The following CEP85L variants were observed in gnomAD, a reference collection of about 807,000 sequenced individuals.
CEP85L encodes centrosomal protein 85L, also known as centrosomal protein of 85 kDa-like.
Under a neutral mutation model 100.3 loss-of-function variants are expected in CEP85L, and 60 were observed. The ratio of observed to expected loss-of-function variants is 0.60; its 90% CI spans 0.49 to 0.74. The LOEUF (loss-of-function observed/expected upper bound fraction) is 0.74, where lower values mean the gene tolerates loss of function less well. CEP85L is among the 30% of genes least tolerant of loss of function. CEP85L has a pLI of 0.00. For missense variants in CEP85L, 973 were observed against 936.2 expected, an observed-to-expected ratio of 1.04 and a Z score of -0.51; for synonymous variants, 319 against 322.7, an observed-to-expected ratio of 0.99 and a Z score of 0.12.
rs1046387548 is a variant in CEP85L, at chr6:118,629,033, T to C, written c.232+3420A>G. Among the ~76,000 whole-genome samples, 3 of 152,234 alleles carry C rather than the reference T, an allele frequency of 2.0e-5. No homozygotes were observed. In the South Asian group the frequency reaches 6.2e-4, roughly 32 times the overall value. On this transcript the variant is annotated intron_variant, in intron 2 of 12. Transcript: ENST00000368491. ...CTCAACCAACCGTGGATCAAAAATATTAACAATAAAAATAATCAAACTTTA... is the reference window on the plus strand; with the variant it reads ...CTCAACCAACCGTGGATCAAAAATACTAACAATAAAAATAATCAAACTTTA...
chr6:118,482,074 A>G, intron 7 of CEP85L, 141 bp from the exon 8 acceptor site: 1 of 473,886 alleles, frequency 2.1e-6, no homozygotes, highest in Non-Finnish European at 3.4e-6. Flanking sequence ...TTTTATCTAG[A>G]GTATTTAATT....
At chr6:118,672,824 A>G (rs562159450) in intron 1 of CEP85L, among the ~76,000 whole-genome samples, 1 of 151,804 alleles carries the variant, frequency 6.6e-6, no homozygotes, top group East Asian at 1.9e-4. Context: ...AAGGAGGAGG[A>G]AGAGGAGGAG....
At chr6:118,659,575 T>C (rs1207199411) in intron 1 of CEP85L, among the ~76,000 whole-genome samples, 1 of 152,202 alleles carries the variant, frequency 6.6e-6, no homozygotes, top group Non-Finnish European at 1.5e-5. Context: ...ACAATTTCGG[T>C]AGGAGGCAGT....
chr6:118,672,623 G>T (rs1487696886), intron 1 of CEP85L, among the ~76,000 whole-genome samples: 1 of 151,996 alleles, frequency 6.6e-6, no homozygotes. Context: ...AAACTTAGCT[G>T]GGCATGGTGG....
intron 2 of CEP85L, among the ~76,000 whole-genome samples, chr6:118,617,561 G>T (rs772778025): frequency 7.2e-5 from 11 of 152,138 alleles, no homozygotes; most frequent in Admixed American, 2.6e-4. Flanking sequence ...CTCCTGTACT[G>T]GAACATACTT....
chr6:118,597,418 GAA>G (rs1781513850), intron 2 of CEP85L, among the ~76,000 whole-genome samples: 1 of 152,086 alleles, frequency 6.6e-6, no homozygotes, highest in East Asian at 1.9e-4. Context: ...AATTGTTGGG[GAA>G]AAAGAGTCAA....
Position 118,491,796 on chromosome 6 carries a change from C to A in CEP85L, c.1327G>T (p.Glu443Ter). 1.2e-6 allele frequency: 2 copies of A among 1,612,662 alleles called. No individual in the cohort carries two copies. The highest frequency in any genetic ancestry group is 1.7e-6 in the Non-Finnish European group (2 of 1,179,302). Residue 443 changes from glutamate to a stop codon, truncating the protein, a stop_gained, in exon 6 of 13, where the codon GAA (glutamate) becomes TAA (stop). Coordinates refer to ENST00000368491, the MANE Select transcript of CEP85L (RefSeq NM_001042475.3). LOFTEE classifies it high-confidence loss of function. Reference sequence around the variant, plus strand: ...GTAGATGCAAGCTTTTGCTCAAATTCCCCTTGTTGGGAATGGGAAACTGAT... The same window carrying A: ...GTAGATGCAAGCTTTTGCTCAAATTACCCTTGTTGGGAATGGGAAACTGAT... ...EESVSHSQQGEFEQKLASTEK... is the reference protein window; with the variant it reads ...EESVSHSQQG
chr6:118,479,344 T>C (rs1001428045), intron 10 of CEP85L, among the ~76,000 whole-genome samples: 2 of 152,136 alleles, frequency 1.3e-5, no homozygotes, highest in Non-Finnish European at 2.9e-5. Flanking sequence ...CCCATCACAC[T>C]ACCTCACATT....
At chr6:118,512,121 T>A (rs1234854805) in intron 4 of CEP85L, among the ~76,000 whole-genome samples, 5 of 152,072 alleles carry the variant, frequency 3.3e-5, no homozygotes, top group Admixed American at 2.0e-4. Flanking sequence ...AACAGTAATC[T>A]CTTAGAGATA....
At chr6:118,643,248 A>G (rs188687126) in intron 1 of CEP85L, among the ~76,000 whole-genome samples, 1 of 152,326 alleles carries the variant, frequency 6.6e-6, no homozygotes, top group East Asian at 1.9e-4. Context: ...TTATTCCTAA[A>G]ATGAGACAGA....
At chr6:118,650,644 C>T (rs1002990786) in intron 1 of CEP85L, among the ~76,000 whole-genome samples, 1 of 152,150 alleles carries the variant, frequency 6.6e-6, no homozygotes, top group Admixed American at 6.5e-5. Flanking sequence ...TGGCTGAGAG[C>T]GGCCGCATCT....
chr6:118,603,739 G>T (rs1015734440), intron 2 of CEP85L, among the ~76,000 whole-genome samples: 2 of 152,206 alleles, frequency 1.3e-5, no homozygotes, highest in African/African-American at 4.8e-5. Flanking sequence ...TGAGAGTTCT[G>T]AAAGTTTTTT....
Position 118,651,367 on chromosome 6 carries a change from G to C in CEP85L, c.-98C>G. The C allele has an allele frequency of 3.6e-6, 5 of 1,372,244 alleles. No homozygotes were observed. The highest frequency in any genetic ancestry group is 3.5e-5 in the Admixed American group (1 of 28,712). The allele number at this position is 1,372,244 out of a possible 1,614,324, so 85.0% of individuals were successfully genotyped here. A position where few individuals can be genotyped will look rare whatever the true frequency, so the allele number is the denominator to read the frequency against. On this transcript the variant is annotated 5_prime_UTR_variant, in exon 1 of 13. Coordinates refer to ENST00000368491, the MANE Select transcript of CEP85L (RefSeq NM_001042475.3). ...GAAACTTGCGCGGAGCGTGGGCCTC[G>C]GCGACACGGGCAGGAGGAAAGGCGG...
chr6:118,695,904 G>A (rs1777193234), intron 1 of CEP85L, among the ~76,000 whole-genome samples: 1 of 152,164 alleles, frequency 6.6e-6, no homozygotes, highest in African/African-American at 2.4e-5. Flanking sequence ...TGACTTGGGT[G>A]AACCAGATAT....
At chr6:118,532,657 G>C (rs907691219) in intron 3 of CEP85L, among the ~76,000 whole-genome samples, 1 of 152,068 alleles carries the variant, frequency 6.6e-6, no homozygotes, top group Non-Finnish European at 1.5e-5. Flanking sequence ...TTGAGATAGA[G>C]TATCTGAATC....
chr6:118,609,483 CTTT>C (rs1427173058), intron 2 of CEP85L, among the ~76,000 whole-genome samples: 1 of 152,116 alleles, frequency 6.6e-6, no homozygotes, highest in Non-Finnish European at 1.5e-5. Context: ...TTGACAATCT[CTTT>C]TTAAGTTCTT....
At chr6:118,546,398 C>CAG (rs1286208510) in intron 3 of CEP85L, among the ~76,000 whole-genome samples, 1 of 152,090 alleles carries the variant, frequency 6.6e-6, no homozygotes, top group African/African-American at 2.4e-5. Flanking sequence ...CTTGGTTTAT[C>CAG]CAACTAAGTA....
chr6:118,579,780 T>C (rs1780460377), intron 2 of CEP85L, among the ~76,000 whole-genome samples: 1 of 152,250 alleles, frequency 6.6e-6, no homozygotes, highest in Non-Finnish European at 1.5e-5. Flanking sequence ...CAAGTTTCTT[T>C]TCTTTTAAGG....
intron 5 of CEP85L, among the ~76,000 whole-genome samples, chr6:118,500,666 C>T (rs990933792): frequency 2.0e-5 from 3 of 152,158 alleles, no homozygotes; most frequent in East Asian, 1.9e-4. Context: ...TTTATTCCCA[C>T]GTTCACCCCC....
Sources: gnomAD v4.1 joint callset for allele counts (sites outside exome capture counted in the v4.1 genomes callset) on GRCh38, gnomAD v4.1.1 for gene constraint, MANE v1.5 for transcripts, NCBI Gene and HGNC (gene_info 2026-07-23, HGNC 2026-07-21) for gene names.